The following SMURF1 variants were observed in gnomAD, a reference collection of about 807,000 sequenced individuals.
SMURF1 encodes the protein E3 ubiquitin-protein ligase SMURF1.
A neutral mutation model predicts 98.0 loss-of-function variants in SMURF1; 44 were observed. The ratio of observed to expected loss-of-function variants is 0.45; its 90% CI spans 0.35 to 0.58. The LOEUF is 0.58. SMURF1 is among the 20% of genes least tolerant of loss of function. The probability of loss-of-function intolerance (pLI) is 0.00; values close to 1 mark genes in which losing one functional copy is unlikely to be tolerated. For synonymous variants in SMURF1, 396 were observed against 374.9 expected (o/e 1.06, Z -0.65); for missense variants, 687 against 938.4 (o/e 0.73, Z 3.50).
At chr7:99,116,228 C>CA (rs1274345935) in intron 1 of SMURF1, among the ~76,000 whole-genome samples, 1 of 92,468 alleles carries the variant, frequency 1.1e-5, no homozygotes, top group African/African-American at 4.3e-5. Context: ...TGACAGATTC[C>CA]AACATTCATG....
At chr7:99,033,473 T>G (rs1794998353) in intron 16 of SMURF1, among the ~76,000 whole-genome samples, 1 of 152,086 alleles carries the variant, frequency 6.6e-6, no homozygotes, top group Non-Finnish European at 1.5e-5. Flanking sequence ...CCTGGCTAAT[T>G]GTTGTATTTT....
At chr7:99,060,556 T>C (rs1042117746) in intron 3 of SMURF1, 43 bp downstream of exon 3, 9 of 1,442,338 alleles carry the variant, frequency 6.2e-6, no homozygotes, top group African/African-American at 1.4e-5. Context: ...AGACACCTGC[T>C]TTCCTGCCGC....
chr7:99,059,582 T>A (rs1795982129), intron 3 of SMURF1, among the ~76,000 whole-genome samples: 1 of 151,758 alleles, frequency 6.6e-6, no homozygotes, highest in South Asian at 2.1e-4. Flanking sequence ...AAAGCAAAAA[T>A]TTTCAAAGTC....
intron 14 of SMURF1, among the ~76,000 whole-genome samples, 156 bp downstream of exon 14, chr7:99,038,231 GC>G (rs1320315747): frequency 6.6e-6 from 1 of 152,172 alleles, no homozygotes; most frequent in East Asian, 1.9e-4. Flanking sequence ...CTGCTGCTGA[GC>G]TGTCGGTTTC....
rs765169623 is a variant in SMURF1 at position 99,030,546 on chromosome 7, G to A, written c.*38C>T. ...ACAGAAGCTGGATGCTTTTGGTCTG[G>A]TGGCCATGAGCTAGACTCTGTTGCC... On this transcript the variant is annotated 3_prime_UTR_variant, in exon 18 of 18. Transcript: ENST00000361368. The A allele has an allele frequency of 4.5e-6, 7 of 1,572,456 alleles. No homozygotes were observed. The highest frequency in any genetic ancestry group is 6.1e-6 in the Non-Finnish European group (7 of 1,143,114).
chr7:99,085,662 T>C (rs866651518), intron 1 of SMURF1, among the ~76,000 whole-genome samples: 3 of 152,162 alleles, frequency 2.0e-5, no homozygotes, highest in Non-Finnish European at 2.9e-5. Flanking sequence ...GTACATTCTA[T>C]AGGTTTTGAC....
rs1377349790 is a variant in SMURF1 at position 99,037,178 on chromosome 7, T to C, written c.1698A>G (p.Val566=). The C allele has an allele frequency of 1.9e-6, 3 of 1,614,086 alleles. No individual in the cohort carries two copies. In the Admixed American group the frequency reaches 5.0e-5, roughly 27 times the overall value. The change falls in exon 15 of 18, where the codon GTA becomes GTG. Residue 566 remains valine, a synonymous_variant. Coordinates refer to ENST00000361368, the MANE Select transcript of SMURF1 (RefSeq NM_181349.3). ...ENKKEYVRLY[V]NWRFMRGIEA... ...CGATTCCTCTCATAAACCTCCAGTT[T>C]ACATACAACCTGGAAGAAAAACTCG... is the stretch of plus-strand genomic sequence containing the variant.
intron 1 of SMURF1, among the ~76,000 whole-genome samples, chr7:99,122,061 G>T (rs527980714): frequency 6.6e-6 from 1 of 152,330 alleles, no homozygotes; most frequent in African/African-American, 2.4e-5. Flanking sequence ...CGGGCAGGTG[G>T]CTCACGCCTG....
chr7:99,037,012 G>C (rs992625689), intron 15 of SMURF1, 55 bp downstream of exon 15: 12 of 1,611,170 alleles, frequency 7.4e-6, no homozygotes, highest in Non-Finnish European at 1.0e-5. Flanking sequence ...ATTTAAAACA[G>C]GCAGACGCCA....
intron 1 of SMURF1, among the ~76,000 whole-genome samples, chr7:99,105,365 T>C (rs1388647266): frequency 1.2e-4 from 18 of 152,168 alleles, no homozygotes; most frequent in Admixed American, 1.2e-3. Context: ...AGGCTAATCT[T>C]TCTCGAAGGA....
intron 1 of SMURF1, among the ~76,000 whole-genome samples, chr7:99,063,612 C>A (rs1210064636): frequency 6.6e-6 from 1 of 151,670 alleles, no homozygotes; most frequent in Non-Finnish European, 1.5e-5. Flanking sequence ...ATATACCACA[C>A]AATTCATCCA....
At chr7:99,108,938 T>C (rs948392748) in intron 1 of SMURF1, among the ~76,000 whole-genome samples, 1 of 152,196 alleles carries the variant, frequency 6.6e-6, no homozygotes, top group Admixed American at 6.5e-5. Flanking sequence ...AGTCATTCTG[T>C]ACACCCAGAA....
At chr7:99,042,760 C>T (rs1189451370) in intron 11 of SMURF1, among the ~76,000 whole-genome samples, 1 of 152,228 alleles carries the variant, frequency 6.6e-6, no homozygotes, top group South Asian at 2.1e-4. Flanking sequence ...TACGAAGAGT[C>T]TTCTATTCAT....
intron 1 of SMURF1, among the ~76,000 whole-genome samples, chr7:99,107,114 C>A (rs747217845): frequency 6.6e-6 from 1 of 152,180 alleles, no homozygotes; most frequent in Non-Finnish European, 1.5e-5. Context: ...GCATAGCAGA[C>A]GTAGAGAGTT....
At position 99,078,819 on chromosome 7, in the gene SMURF1, T is replaced by A. The variant is rs754321955; in HGVS notation, c.56-16982A>T. Among the ~76,000 whole-genome samples, 5 of 152,244 alleles carry A rather than the reference T, an allele frequency of 3.3e-5. 1 individual carries two copies. The South Asian group carries it at 1.0e-3, about 31-fold the overall frequency. On this transcript the variant is annotated intron_variant, in intron 1 of 17. Transcript: ENST00000361368. ...AGGAAAACAAGTTCAGGGCTCCCAC[T>A]GACTCTGCATGGTGAGTTGTAGAAT...
chr7:99,088,244 C>T (rs991380974), intron 1 of SMURF1, among the ~76,000 whole-genome samples: 2 of 149,026 alleles, frequency 1.3e-5, no homozygotes, highest in African/African-American at 5.0e-5. Context: ...GGCAACAGAG[C>T]AAGACTCTGT....
Position 99,043,525 on chromosome 7 carries a change from G to A in SMURF1, c.1257-1293C>T, listed in dbSNP as rs144607313. ...CGACCCATCTCCACGCAGAAGACTG[G>A]ATGACTACGGAAAACGCAGAAGGAA... On this transcript the variant is annotated intron_variant, in intron 11 of 17. Transcript: ENST00000361368. Among the ~76,000 whole-genome samples the A allele has an allele frequency of 3.9e-5, 6 of 152,278 alleles. No individual in the cohort carries two copies. In the East Asian group the frequency reaches 1.2e-3, roughly 29 times the overall value.
chr7:99,113,062 T>C (rs998096219), intron 1 of SMURF1, among the ~76,000 whole-genome samples: 1 of 152,048 alleles, frequency 6.6e-6, no homozygotes, highest in Non-Finnish European at 1.5e-5. Flanking sequence ...ATAAGCATAA[T>C]AGGAATCCCA....
chr7:99,100,525 G>A (rs1797054029), intron 1 of SMURF1, among the ~76,000 whole-genome samples: 1 of 152,154 alleles, frequency 6.6e-6, no homozygotes, highest in Admixed American at 6.5e-5. Context: ...CTTCATTCCA[G>A]CCTGGGCAAC....
Sources: gnomAD v4.1 joint callset for allele counts (sites outside exome capture counted in the v4.1 genomes callset) on GRCh38, gnomAD v4.1.1 for gene constraint, MANE v1.5 for transcripts, NCBI Gene and HGNC (gene_info 2026-07-23, HGNC 2026-07-21) for gene names.